The following BEGAIN variants were observed in gnomAD, a reference collection of about 807,000 sequenced individuals.
BEGAIN encodes the protein brain enriched guanylate kinase associated.
Under a neutral mutation model 35.8 loss-of-function variants are expected in BEGAIN, and 19 were observed. That is an observed-to-expected ratio of 0.53 (90% CI 0.37 to 0.78). BEGAIN has a LOEUF of 0.78. Among genes scored for constraint, BEGAIN ranks in the 30% least tolerant of loss-of-function variants. The pLI is 0.00. For missense variants in BEGAIN, 795 were observed against 853.6 expected (o/e 0.93, Z 0.85); for synonymous variants, 462 against 388.6 (o/e 1.19, Z -2.22).
rs1444777835 is a variant in BEGAIN, at chr14:100,586,949, T to C, written c.42+300A>G. On this transcript the variant is annotated intron_variant, in intron 1 of 6. Transcript: ENST00000554140. This position sits in a 1 kb window ranked among gnomAD's most constrained non-coding sequence, Gnocchi z 4.9. ...CTTGGTCACCCGTCCCTCCTTTCCTTCCGCCGCAGGGGCGCGCGTGTCAGG... is the reference window on the plus strand; with the variant it reads ...CTTGGTCACCCGTCCCTCCTTTCCTCCCGCCGCAGGGGCGCGCGTGTCAGG... Among the ~76,000 whole-genome samples, 1 of 151,734 alleles carries C rather than the reference T, an allele frequency of 6.6e-6. No homozygotes were observed. Among genetic ancestry groups the C allele is most frequent in the Non-Finnish European group, 1.5e-5 (1 of 67,882 alleles).
intron 5 of BEGAIN, 53 bp from the exon 6 acceptor site, chr14:100,540,632 C>T (rs927441156): frequency 2.0e-5 from 28 of 1,422,546 alleles, no homozygotes; most frequent in African/African-American, 1.8e-4. Flanking sequence ...AAGGCCCCGC[C>T]GCCCTGACCA....
At chr14:100,542,248 T>C (rs1006096019) in intron 5 of BEGAIN, among the ~76,000 whole-genome samples, 1 of 152,230 alleles carries the variant, frequency 6.6e-6, no homozygotes, top group Non-Finnish European at 1.5e-5. Context: ...CTTGGCCCTC[T>C]GACCTGGTCT....
intron 2 of BEGAIN, among the ~76,000 whole-genome samples, chr14:100,553,444 G>GA (rs1257138215): frequency 6.6e-6 from 1 of 152,090 alleles, no homozygotes; most frequent in Non-Finnish European, 1.5e-5. Context: ...TGGCCCCCAG[G>GA]AAAAATGACA....
rs2034818212 is a variant in BEGAIN at position 100,567,659 on chromosome 14, G to T, written c.71+252C>A. Among the ~76,000 whole-genome samples the T allele has an allele frequency of 6.6e-6, 1 of 151,606 alleles. No homozygotes were observed. The highest frequency in any genetic ancestry group is 1.5e-5 in the Non-Finnish European group (1 of 67,710). On this transcript the variant is annotated intron_variant, in intron 2 of 6. Transcript: ENST00000554140. The surrounding 1 kb of genome is among the most constrained non-coding windows in gnomAD (Gnocchi z 5.1). ...GCGGCCCCGGGTAGGGGGCAGCCCG[G>T]CCCTCAGTGGCGCTAGCCCCAGCCC...
intron 2 of BEGAIN, among the ~76,000 whole-genome samples, chr14:100,566,419 A>G (rs1218464039): frequency 6.6e-6 from 1 of 152,222 alleles, no homozygotes; most frequent in East Asian, 1.9e-4. Context: ...GGAAAGAGAA[A>G]GAGAACCACC....
At chr14:100,578,336 GAGGAC>G (rs1451670574) in intron 1 of BEGAIN, among the ~76,000 whole-genome samples, 1 of 152,262 alleles carries the variant, frequency 6.6e-6, no homozygotes, top group African/African-American at 2.4e-5. Flanking sequence ...CAGGGGCACA[GAGGAC>G]AGGCAGTGGA....
intron 1 of BEGAIN, among the ~76,000 whole-genome samples, chr14:100,580,471 G>A (rs760777673): frequency 6.6e-6 from 1 of 152,086 alleles, no homozygotes; most frequent in East Asian, 1.9e-4. Flanking sequence ...CGTCTCTCAG[G>A]TCCTGAATGT....
intron 3 of BEGAIN, 83 bp downstream of exon 3, chr14:100,546,417 TC>T (rs1242282920): frequency 2.8e-5 from 1 of 35,708 alleles, no homozygotes; most frequent in African/African-American, 2.7e-4. Flanking sequence ...GCCCCGGCCC[TC>T]GCCCCGCCCC....
rs376537849 is a variant in BEGAIN at position 100,539,323 on chromosome 14, G to A, written c.493-8C>T. On this transcript the variant is annotated splice_polypyrimidine_tract_variant and splice_region_variant and intron_variant, in intron 6 of 6. Transcript: ENST00000554140. ...CTGGAAATCCGAGGGCAGCTGGAAC[G>A]GGTGCGAGGAGGGGGACGGCGGGTA... 1.6e-5 allele frequency: 25 copies of A among 1,540,872 alleles called. 1 individual carries two copies. In the African/African-American group the frequency reaches 1.6e-4, roughly 10 times the overall value.
At chr14:100,548,556 T>C (rs998335133) in intron 2 of BEGAIN, 3 of 152,426 alleles carry the variant, frequency 2.0e-5, no homozygotes, top group Non-Finnish European at 4.4e-5. Flanking sequence ...TCCTTGCTAT[T>C]CTGAGACCTG....
intron 6 of BEGAIN, among the ~76,000 whole-genome samples, chr14:100,539,927 G>A (rs1284346083): frequency 6.6e-6 from 1 of 152,172 alleles, no homozygotes; most frequent in Non-Finnish European, 1.5e-5. Flanking sequence ...GGAACGCACA[G>A]GCCTGGCTGG....
At chr14:100,549,223 A>G (rs1000098658) in intron 2 of BEGAIN, 18 of 152,424 alleles carry the variant, frequency 1.2e-4, no homozygotes, top group African/African-American at 4.1e-4. Context: ...CCTGCCCTGC[A>G]TGCTCAGACC....
At chr14:100,559,816 C>G (rs929521561) in intron 2 of BEGAIN, among the ~76,000 whole-genome samples, 3 of 152,226 alleles carry the variant, frequency 2.0e-5, no homozygotes, top group African/African-American at 7.2e-5. Context: ...GATGCGCACA[C>G]AGACACTCAC....
rs2034813014 is a variant in BEGAIN, at chr14:100,567,620, C to T, written c.71+291G>A. Among the ~76,000 whole-genome samples the T allele has an allele frequency of 6.6e-6, 1 of 151,818 alleles. No individual in the cohort carries two copies. Among genetic ancestry groups the T allele is most frequent in the Admixed American group, 6.5e-5 (1 of 15,274 alleles). On this transcript the variant is annotated intron_variant, in intron 2 of 6. Coordinates refer to ENST00000554140, the MANE Select transcript of BEGAIN (RefSeq NM_001385089.1). This position sits in a 1 kb window ranked among gnomAD's most constrained non-coding sequence, Gnocchi z 5.1. ...CAGGGAGCCAGAGGGGCGCTGAGGACCGCACAGGACCAGGCGGCCCCGGGT... is the reference window on the plus strand; with the variant it reads ...CAGGGAGCCAGAGGGGCGCTGAGGATCGCACAGGACCAGGCGGCCCCGGGT...
chr14:100,570,751 C>T (rs549507616), intron 1 of BEGAIN, among the ~76,000 whole-genome samples: 2 of 152,148 alleles, frequency 1.3e-5, no homozygotes, highest in African/African-American at 4.8e-5. Context: ...CCATGAGGCT[C>T]CTGCACGGGC....
At chr14:100,560,974 C>T (rs1398982086) in intron 2 of BEGAIN, among the ~76,000 whole-genome samples, 1 of 152,216 alleles carries the variant, frequency 6.6e-6, no homozygotes, top group East Asian at 1.9e-4. Flanking sequence ...CAGGCAGTCC[C>T]CACTGCAGAG....
intron 1 of BEGAIN, among the ~76,000 whole-genome samples, chr14:100,584,290 A>T (rs2035388147): frequency 6.6e-6 from 1 of 152,146 alleles, no homozygotes; most frequent in African/African-American, 2.4e-5. Context: ...GCCCTGGCTG[A>T]TCCCCACCCC....
intron 1 of BEGAIN, among the ~76,000 whole-genome samples, chr14:100,579,471 G>C (rs144515645): frequency 6.6e-6 from 1 of 152,182 alleles, no homozygotes; most frequent in Non-Finnish European, 1.5e-5. Flanking sequence ...CCTAGGATGC[G>C]GCTTTAGGCT....
chr14:100,563,034 G>T lies in BEGAIN; in HGVS notation c.71+4877C>A, dbSNP rs1466150337. Among the ~76,000 whole-genome samples the T allele has an allele frequency of 6.6e-6, 1 of 152,206 alleles. No individual in the cohort carries two copies. The highest frequency in any genetic ancestry group is 2.4e-5 in the African/African-American group (1 of 41,444). The stretch of plus-strand genomic sequence containing the variant: ...GGGTGGGAGAGGGTGCCCTTTGAGG[G>T]GGGGCGTGGAGGGGCAGGGCAGGAC... On this transcript the variant is annotated intron_variant, in intron 2 of 6. Coordinates refer to ENST00000554140, the MANE Select transcript of BEGAIN (RefSeq NM_001385089.1). The surrounding 1 kb of genome is among the most constrained non-coding windows in gnomAD (Gnocchi z 4.2).
Sources: allele counts gnomAD v4.1 joint callset (sites outside exome capture counted in the v4.1 genomes callset), GRCh38; gene constraint gnomAD v4.1.1; non-coding constraint Gnocchi (gnomAD v3.1); transcripts MANE v1.5; gene names NCBI Gene and HGNC (gene_info 2026-07-23, HGNC 2026-07-21).